GXYLT2: variants seen among roughly 807,000 people sequenced by gnomAD.
GXYLT2 encodes glucoside xylosyltransferase 2.
A neutral mutation model predicts 45.8 loss-of-function variants in GXYLT2; 53 were observed. That is an observed-to-expected ratio of 1.16 (90% CI 0.93 to 1.46). The LOEUF (loss-of-function observed/expected upper bound fraction) is 1.46, where lower values mean the gene tolerates loss of function less well. Among genes scored for constraint, GXYLT2 ranks in the 40% most tolerant of loss-of-function variants. The pLI is 0.00. For synonymous variants in GXYLT2, 219 were observed against 214.2 expected, an observed-to-expected ratio of 1.02 and a Z score of -0.19; for missense variants, 551 against 544.4, an observed-to-expected ratio of 1.01 and a Z score of -0.12.
chr3:72,916,451 G>C lies in GXYLT2; in HGVS notation c.469-5753G>C, dbSNP rs955019992. Among the ~76,000 whole-genome samples the C allele has an allele frequency of 7.2e-5, 11 of 151,996 alleles. No homozygotes were observed. The South Asian group carries it at 2.3e-3, about 32-fold the overall frequency. ...GATCCTCCAACCTTGACCTCTCAAAGTGTTGAGTTTATAGGTATGAGTCAC... is the reference window on the plus strand; with the variant it reads ...GATCCTCCAACCTTGACCTCTCAAACTGTTGAGTTTATAGGTATGAGTCAC... On this transcript the variant is annotated intron_variant, in intron 2 of 6. Coordinates refer to ENST00000389617, the MANE Select transcript of GXYLT2 (RefSeq NM_001080393.2).
chr3:72,944,809 A>G (rs1209433090), intron 3 of GXYLT2, among the ~76,000 whole-genome samples: 1 of 151,716 alleles, frequency 6.6e-6, no homozygotes, highest in Non-Finnish European at 1.5e-5. Flanking sequence ...CTAGCCCTTT[A>G]GTTTGCAGGG....
At position 72,976,288 on chromosome 3, in the gene GXYLT2, T is replaced by C. The variant is rs1183986174; in HGVS notation, c.*1129T>C. ...CTTTGATTTGTGGAGGACTAAATCA[T>C]AATACATTTCTATGCAACAATAGCT... is the stretch of plus-strand genomic sequence containing the variant. On this transcript the variant is annotated 3_prime_UTR_variant, in exon 7 of 7. Coordinates refer to ENST00000389617, the MANE Select transcript of GXYLT2 (RefSeq NM_001080393.2). The C allele has an allele frequency of 6.6e-6, 1 of 152,120 alleles. No individual in the cohort carries two copies. The highest frequency in any genetic ancestry group is 6.5e-5 in the Admixed American group (1 of 15,272). 9.4% of individuals were successfully genotyped at this position (152,120 alleles called of 1,614,324 possible).
chr3:72,890,768 G>C (rs893543620), intron 1 of GXYLT2, among the ~76,000 whole-genome samples: 1 of 152,184 alleles, frequency 6.6e-6, no homozygotes, highest in African/African-American at 2.4e-5. Flanking sequence ...TAGGGAAGGA[G>C]TGTTTCTATT....
intron 3 of GXYLT2, among the ~76,000 whole-genome samples, chr3:72,942,649 A>G (rs1005538053): frequency 5.9e-5 from 9 of 152,158 alleles, no homozygotes; most frequent in East Asian, 1.9e-4. Context: ...GTTCTTCCCA[A>G]TAAAGCATAA....
chr3:72,922,211 A>G lies in GXYLT2; in HGVS notation c.476A>G (p.Gln159Arg), dbSNP rs1709843952. Residue 159 changes from glutamine to arginine, a missense_variant, in exon 3 of 7, where the codon CAG becomes CGG. By Grantham distance (43) the Gln-to-Arg change is conservative. Transcript: ENST00000389617. ...LKPEFDKQLR[Q>R]WPDSYTKKFE... The stretch of plus-strand genomic sequence containing the variant: ...GCTTCCCATGTTTTTCAGTTACGCC[A>G]GTGGCCTGACTCATATACAAAGAAG... The G allele has an allele frequency of 6.2e-7, 1 of 1,612,812 alleles. No homozygotes were observed. The highest frequency in any genetic ancestry group is 8.5e-7 in the Non-Finnish European group (1 of 1,179,444).
intron 1 of GXYLT2, among the ~76,000 whole-genome samples, chr3:72,899,021 G>A (rs13096870): frequency 0.29 from 44,366 of 151,004 alleles, 6,910 homozygotes; most frequent in Non-Finnish European, 0.35. Context: ...GTGAGCCACC[G>A]CGCCCGGCCA....
intron 5 of GXYLT2, among the ~76,000 whole-genome samples, chr3:72,959,725 C>G (rs887726215): frequency 2.0e-5 from 3 of 151,808 alleles, no homozygotes; most frequent in Admixed American, 6.6e-5. Context: ...ATCTCTGCCC[C>G]CCAGGTTCAA....
intron 3 of GXYLT2, among the ~76,000 whole-genome samples, chr3:72,922,713 A>G (rs1317302034): frequency 1.3e-5 from 2 of 152,214 alleles, no homozygotes; most frequent in Non-Finnish European, 2.9e-5. Flanking sequence ...CTCTTATCAC[A>G]ATAACAACTA....
intron 2 of GXYLT2, among the ~76,000 whole-genome samples, chr3:72,910,565 T>C (rs930720258): frequency 1.3e-5 from 2 of 152,180 alleles, no homozygotes; most frequent in African/African-American, 4.8e-5. Flanking sequence ...TCAGACACTT[T>C]TCATGTGCCT....
rs757848162 is a variant in GXYLT2, at chr3:72,974,995, C to T, written c.1168C>T (p.Leu390Phe). 2.6e-6 allele frequency: 4 copies of T among 1,556,106 alleles called. No homozygotes were observed. ...AIRDFPFQDN[L>F]FQSMYYPLQL... is the part of the protein sequence containing the mutation. ...CTTTCAGTTTCCCTTTCAAGACAAT[C>T]TCTTTCAATCCATGTATTACCCCCT... Residue 390 changes from leucine (L) to phenylalanine (F), a missense_variant, in exon 7 of 7, where the codon CTC becomes TTC. Physicochemically the swap from Leu to Phe is conservative, Grantham distance 22. Transcript: ENST00000389617.
At position 72,920,134 on chromosome 3, in the gene GXYLT2, ATTTATTTT is replaced by A. The variant is rs1709804532; in HGVS notation, c.469-2059_469-2052del. ...CTTGTTTTTACTTTTTTTATTTTTT[ATTTATTTT>A]TTTATTTTTTGAGACAGAGTCTCAC... On this transcript the variant is annotated intron_variant, in intron 2 of 6. Coordinates refer to ENST00000389617, the MANE Select transcript of GXYLT2 (RefSeq NM_001080393.2). 2.7e-5 allele frequency among the ~76,000 whole-genome samples: 4 copies of A among 150,350 alleles called. No individual in the cohort carries two copies. In the South Asian group the frequency reaches 8.4e-4, roughly 32 times the overall value.
intron 5 of GXYLT2, among the ~76,000 whole-genome samples, chr3:72,958,456 G>T (rs1250714600): frequency 6.6e-6 from 1 of 151,746 alleles, no homozygotes; most frequent in African/African-American, 2.4e-5. Context: ...AACACATATT[G>T]TGTACCTTTT....
intron 3 of GXYLT2, among the ~76,000 whole-genome samples, chr3:72,948,354 C>T (rs1487373006): frequency 6.6e-6 from 1 of 152,196 alleles, no homozygotes; most frequent in Non-Finnish European, 1.5e-5. Flanking sequence ...CCAAGATAGG[C>T]CGTATCCTGG....
rs567216845 is a variant in GXYLT2 at position 72,949,575 on chromosome 3, G to A, written c.601-5523G>A. ...TCACCAGGCTGGAGTGCCATGGGGC[G>A]ATCTCAGCTGACTGCAACCTCCGCC... On this transcript the variant is annotated intron_variant, in intron 3 of 6. Transcript: ENST00000389617. 5.0e-5 allele frequency among the ~76,000 whole-genome samples: 6 copies of A among 120,122 alleles called. No homozygotes were observed. In the South Asian group the frequency reaches 1.4e-3, roughly 29 times the overall value. The allele number at this position is 120,122 out of a possible 152,430, so 78.8% of individuals were successfully genotyped here. A position where few individuals can be genotyped will look rare whatever the true frequency, so the allele number is the denominator to read the frequency against.
chr3:72,948,555 C>T (rs546621441), intron 3 of GXYLT2, among the ~76,000 whole-genome samples: 30 of 152,190 alleles, frequency 2.0e-4, no homozygotes, highest in East Asian at 3.9e-4. Context: ...TTAAAAATCC[C>T]GGGCCAGGCG....
intron 3 of GXYLT2, among the ~76,000 whole-genome samples, chr3:72,930,918 A>C (rs1016461305): frequency 6.6e-6 from 1 of 152,110 alleles, no homozygotes; most frequent in Non-Finnish European, 1.5e-5. Context: ...AATGGATTGA[A>C]CAACTAGGCT....
In GXYLT2 at chr3:72,888,397, C is replaced by T; in HGVS notation, c.164C>T (p.Pro55Leu). The T allele has an allele frequency of 6.0e-6, 6 of 999,830 alleles. No homozygotes were observed. In the South Asian group the frequency reaches 2.3e-4, roughly 38 times the overall value. 61.9% of individuals were successfully genotyped at this position (999,830 alleles called of 1,614,324 possible). Residue 55 changes from proline (P) to leucine (L), a missense_variant, in exon 1 of 7, where the codon CCG (proline) becomes CTG (leucine). Physicochemically the swap from Pro to Leu is moderately conservative, Grantham distance 98. Coordinates refer to ENST00000389617, the MANE Select transcript of GXYLT2 (RefSeq NM_001080393.2). ...RHPAPVPARW[P>L]GPGALPGASP... ...CCCGCGCCTGTCCCCGCGCGCTGGC[C>T]GGGGCCGGGCGCCCTCCCCGGGGCC...
intron 3 of GXYLT2, among the ~76,000 whole-genome samples, chr3:72,950,366 C>A (rs756707875): frequency 5.3e-5 from 8 of 152,070 alleles, no homozygotes; most frequent in Non-Finnish European, 1.0e-4. Flanking sequence ...GACGTTGAGG[C>A]AGGAGAATCG....
In GXYLT2 at chr3:72,975,391, T is replaced by C. The variant is rs547287698; in HGVS notation, c.*232T>C. 1 of 369,622 alleles carries C rather than the reference T, an allele frequency of 2.7e-6. No homozygotes were observed. Among genetic ancestry groups the C allele is most frequent in the East Asian group, 4.1e-5 (1 of 24,150 alleles). 22.9% of individuals were successfully genotyped at this position (369,622 alleles called of 1,614,324 possible). A position where few individuals can be genotyped will look rare whatever the true frequency, so the allele number is the denominator to read the frequency against. ...AAGGAAAAAAAAAAAAGACTATTAC[T>C]CATTTAACATTGTTTAAGCAGGTTG... is the stretch of plus-strand genomic sequence containing the variant. On this transcript the variant is annotated 3_prime_UTR_variant, in exon 7 of 7. Coordinates refer to ENST00000389617, the MANE Select transcript of GXYLT2 (RefSeq NM_001080393.2).
Sources: allele counts gnomAD v4.1 joint callset (sites outside exome capture counted in the v4.1 genomes callset), GRCh38; gene constraint gnomAD v4.1.1; transcripts MANE v1.5; gene names NCBI Gene and HGNC (gene_info 2026-07-23, HGNC 2026-07-21).